The following ING1 variants were observed in gnomAD, a reference collection of about 807,000 sequenced individuals.
The protein encoded by ING1 is inhibitor of growth protein 1.
Under a neutral mutation model 23.1 loss-of-function variants are expected in ING1, and 4 were observed. The ratio of observed to expected loss-of-function variants is 0.17; its 90% CI spans 0.09 to 0.40. The LOEUF is 0.40. Among genes scored for constraint, ING1 ranks in the 10% least tolerant of loss-of-function variants. ING1 has a pLI of 1.00. For missense variants in ING1, 256 were observed against 393.8 expected (o/e 0.65, Z 2.96); for synonymous variants, 179 against 166.4 (o/e 1.08, Z -0.58).
At position 110,719,302 on chromosome 13, in the gene ING1, G is replaced by A. The variant is rs2064151163; in HGVS notation, c.210G>A (p.Met70Ile). The change falls in exon 2 of 2, where the codon ATG becomes ATA. Residue 70 changes from methionine to isoleucine, a missense_variant. Around this residue, in one of 3 missense-constraint regions of ING1, gnomAD observed 209 missense variants for 273.8 expected, o/e 0.76. Coordinates refer to ENST00000333219, the MANE Select transcript of ING1 (RefSeq NM_198219.3). The surrounding 1 kb of genome is among the most constrained non-coding windows in gnomAD (Gnocchi z 8.9). ...CAGACGGGGCGCAGAAGCGGCGGAT[G>A]CTGCACTGTGTGCAGCGCGCGCTGA... Reference protein sequence around the residue: ...RETDGAQKRRMLHCVQRALIR... With the variant: ...RETDGAQKRRILHCVQRALIR... 1 of 1,610,318 alleles carries A rather than the reference G, an allele frequency of 6.2e-7. No individual in the cohort carries two copies. Among genetic ancestry groups the A allele is most frequent in the Non-Finnish European group, 8.5e-7 (1 of 1,179,940 alleles).
chr13:110,717,083 TAC>T (rs1208470493), intron 1 of ING1, among the ~76,000 whole-genome samples: 3 of 152,252 alleles, frequency 2.0e-5, no homozygotes, highest in East Asian at 1.9e-4. Context: ...ATTTATATGA[TAC>T]AGTTTTCTGT....
At chr13:110,716,918 T>G (rs1324311617) in intron 1 of ING1, among the ~76,000 whole-genome samples, 1 of 152,246 alleles carries the variant, frequency 6.6e-6, no homozygotes, top group Admixed American at 6.5e-5. Flanking sequence ...GTTGATAAAA[T>G]ACTTTGCTTG....
At chr13:110,714,408 C>T in intron 1 of ING1, 123 bp downstream of exon 1, 1 of 944,174 alleles carries the variant, frequency 1.1e-6, no homozygotes, top group Non-Finnish European at 1.4e-6. Context: ...AGCGGCGGCC[C>T]TCGGCAGGGG....
At chr13:110,715,845 T>G (rs781096665) in intron 1 of ING1, 1 of 1,592,926 alleles carries the variant, frequency 6.3e-7, no homozygotes, top group Non-Finnish European at 8.5e-7. Flanking sequence ...GCCCGGCCAC[T>G]TTCGGGCGCG....
At position 110,715,068 on chromosome 13, in the gene ING1, A is replaced by C. The variant is rs1291505919; in HGVS notation, c.136+783A>C. The C allele has an allele frequency of 1.6e-5, 16 of 1,017,244 alleles. No homozygotes were observed. In the South Asian group the frequency reaches 6.5e-4, roughly 41 times the overall value. The allele number at this position is 1,017,244 out of a possible 1,614,324, so 63.0% of individuals were successfully genotyped here. Reference sequence around the variant, plus strand: ...CTTGGAGAGGACTGTGGCAGGTGAGAGGACCTGTGCGTCGTTCTCTGCAGA... The same window carrying C: ...CTTGGAGAGGACTGTGGCAGGTGAGCGGACCTGTGCGTCGTTCTCTGCAGA... On this transcript the variant is annotated intron_variant, in intron 1 of 1. Transcript: ENST00000333219.
At chr13:110,714,893 C>T in intron 1 of ING1, 1 of 819,062 alleles carries the variant, frequency 1.2e-6, no homozygotes, top group Non-Finnish European at 1.5e-6. Flanking sequence ...GAGTAGGGGC[C>T]GACTGCGAGG....
chr13:110,713,634 G>C, upstream of ING1: 4 of 985,146 alleles, frequency 4.1e-6, no homozygotes, highest in Non-Finnish European at 4.8e-6. Context: ...CCGGGGGAGG[G>C]GGCCGGGGCG....
In ING1 at chr13:110,714,919, T is replaced by G. The variant is rs1008614812; in HGVS notation, c.136+634T>G. On this transcript the variant is annotated intron_variant, in intron 1 of 1. Coordinates refer to ENST00000333219, the MANE Select transcript of ING1 (RefSeq NM_198219.3). ...GACTGCGAGGGGCGACGCCGCCGGT[T>G]GTAGTTTGCGGAGGACGAGGGCTTT... The G allele has an allele frequency of 8.6e-6, 8 of 925,424 alleles. No individual in the cohort carries two copies. In the African/African-American group the frequency reaches 8.9e-5, roughly 10 times the overall value. The allele number at this position is 925,424 out of a possible 1,614,324, so 57.3% of individuals were successfully genotyped here.
At chr13:110,716,339 G>C (rs1190671248) in intron 1 of ING1, among the ~76,000 whole-genome samples, 1 of 152,162 alleles carries the variant, frequency 6.6e-6, no homozygotes, top group Non-Finnish European at 1.5e-5. Flanking sequence ...GCCCCCCCGG[G>C]AGTACTGGAG....
intron 1 of ING1, chr13:110,715,185 A>C: frequency 8.2e-7 from 1 of 1,226,618 alleles, no homozygotes; most frequent in Non-Finnish European, 1.0e-6. Context: ...AGGTCAGTCA[A>C]GGCTTTGGGG....
intron 1 of ING1, chr13:110,715,241 A>T: frequency 1.5e-6 from 2 of 1,348,018 alleles, no homozygotes; most frequent in Non-Finnish European, 1.9e-6. Flanking sequence ...ACTAATGTTT[A>T]CAAGGCTGCG....
At position 110,721,615 on chromosome 13, in the gene ING1, C is replaced by G. The variant is rs1246935457; in HGVS notation, c.*1683C>G. On this transcript the variant is annotated 3_prime_UTR_variant, in exon 2 of 2. Transcript: ENST00000333219. Reference sequence around the variant, plus strand: ...TTTCTGAGATGGAGTCTCACTCTGTCTCCAGGCTAGAGTGCAGTGGCCCAG... The same window carrying G: ...TTTCTGAGATGGAGTCTCACTCTGTGTCCAGGCTAGAGTGCAGTGGCCCAG... 9.5e-5 allele frequency: 12 copies of G among 126,094 alleles called. No individual in the cohort carries two copies. Among genetic ancestry groups the G allele is most frequent in the African/African-American group, 3.7e-4 (12 of 32,030 alleles). 7.8% of individuals were successfully genotyped at this position (126,094 alleles called of 1,614,324 possible).
chr13:110,712,774 A>G (rs775374037), upstream of ING1: 1 of 713,308 alleles, frequency 1.4e-6, no homozygotes, highest in South Asian at 1.5e-5. Context: ...GCGGGAAGAG[A>G]TAAGGCCTAG....
rs1001085561 is a variant in ING1 at position 110,719,483 on chromosome 13, G to A, written c.391G>A (p.Ala131Thr). The change falls in exon 2 of 2, where the codon GCG (alanine) becomes ACG (threonine). Residue 131 changes from alanine to threonine, a missense_variant. Physicochemically the swap from Ala to Thr is moderately conservative, Grantham distance 58. Coordinates refer to ENST00000333219, the MANE Select transcript of ING1 (RefSeq NM_198219.3). The surrounding 1 kb of genome is among the most constrained non-coding windows in gnomAD (Gnocchi z 8.9). Reference protein sequence around the residue: ...DTAGNSGKAGADRPKGEAAAQ... With the variant: ...DTAGNSGKAGTDRPKGEAAAQ... ...AGCGGGCAACAGCGGCAAGGCTGGCGCGGACAGGCCCAAAGGCGAGGCGGC... is the reference window on the plus strand; with the variant it reads ...AGCGGGCAACAGCGGCAAGGCTGGCACGGACAGGCCCAAAGGCGAGGCGGC... 5.6e-6 allele frequency: 9 copies of A among 1,612,604 alleles called. No homozygotes were observed. Among genetic ancestry groups the A allele is most frequent in the African/African-American group, 1.3e-5 (1 of 74,912 alleles).
chr13:110,720,268 T>A lies in ING1; in HGVS notation c.*336T>A, dbSNP rs1019211887. ...AAGGAAAATATTTCATTTAGCTTTT[T>A]TATTTTAATACAAGTAATATTATTA... On this transcript the variant is annotated 3_prime_UTR_variant, in exon 2 of 2. Transcript: ENST00000333219. 1 of 185,678 alleles carries A rather than the reference T, an allele frequency of 5.4e-6. No homozygotes were observed. Among genetic ancestry groups the A allele is most frequent in the Non-Finnish European group, 1.2e-5 (1 of 80,856 alleles). The allele number at this position is 185,678 out of a possible 1,614,324, so 11.5% of individuals were successfully genotyped here.
upstream of ING1, chr13:110,712,972 G>C: frequency 6.4e-7 from 1 of 1,559,404 alleles, no homozygotes; most frequent in African/African-American, 1.4e-5. Context: ...TCCGGCCGCG[G>C]AATGGGTAGG....
upstream of ING1, chr13:110,712,643 G>C (rs779330714): frequency 3.4e-6 from 2 of 584,180 alleles, no homozygotes; most frequent in Admixed American, 4.7e-5. Flanking sequence ...GGGCGACGCG[G>C]GGGAGGGCGG....
chr13:110,716,091 C>A, intron 1 of ING1: 1 of 1,388,670 alleles, frequency 7.2e-7, no homozygotes, highest in Non-Finnish European at 9.4e-7. Context: ...GCCGGACGGG[C>A]CCCGTGGGGT....
chr13:110,715,289 A>C (rs2064101387), intron 1 of ING1: 1 of 1,381,374 alleles, frequency 7.2e-7, no homozygotes, highest in East Asian at 2.6e-5. Flanking sequence ...GGGCAAAAAA[A>C]AAAATTGACC....
Sources: gnomAD v4.1 joint callset for allele counts (sites outside exome capture counted in the v4.1 genomes callset) on GRCh38, gnomAD v4.1.1 for gene constraint, gnomAD v4.1.1 regional missense constraint, Gnocchi (gnomAD v3.1) non-coding constraint, MANE v1.5 for transcripts, NCBI Gene and HGNC (gene_info 2026-07-23, HGNC 2026-07-21) for gene names.